The following ADAM10 variants were observed in gnomAD, a reference collection of about 807,000 sequenced individuals.
The protein encoded by ADAM10 is disintegrin and metalloproteinase domain-containing protein 10.
In ADAM10, 17 loss-of-function variants were observed where a neutral mutation model predicts 90.1. The ratio of observed to expected loss-of-function variants is 0.19; its 90% confidence interval spans 0.13 to 0.28. The LOEUF (loss-of-function observed/expected upper bound fraction) is 0.28, where lower values mean the gene tolerates loss of function less well. ADAM10 is among the 10% of genes least tolerant of loss of function. The probability of loss-of-function intolerance (pLI) is 1.00; values close to 1 mark genes in which losing one functional copy is unlikely to be tolerated. For missense variants in ADAM10, 610 were observed against 914.3 expected (o/e 0.67, Z 4.29); for synonymous variants, 310 against 298.6 (o/e 1.04, Z -0.40).
At chr15:58,644,444 G>A (rs750041560) in intron 6 of ADAM10, among the ~76,000 whole-genome samples, 36 of 151,998 alleles carry the variant, frequency 2.4e-4, no homozygotes, top group South Asian at 6.2e-4. Context: ...GGCCAGGCTC[G>A]TCTCGAACTC....
chr15:58,610,461 C>A lies in ADAM10; in HGVS notation c.1861G>T (p.Gly621Cys). 6.2e-7 allele frequency: 1 copy of A among 1,614,138 alleles called. No individual in the cohort carries two copies. The highest frequency in any genetic ancestry group is 8.5e-7 in the Non-Finnish European group (1 of 1,180,024). The change falls in exon 14 of 16, where the codon GGT (glycine) becomes TGT (cysteine). Residue 621 changes from glycine to cysteine, a missense_variant. Coordinates refer to ENST00000260408, the MANE Select transcript of ADAM10 (RefSeq NM_001110.4). The stretch of plus-strand genomic sequence containing the variant: ...CCAGGTTGCAGGGTGATGGTTCGAC[C>A]ACTGAAGTGCCTACTCCACTGCACA... ...GSVQWSRHFS[G>C]RTITLQPGSP...
chr15:58,637,938 TAAAAA>T (rs111492683), intron 8 of ADAM10, among the ~76,000 whole-genome samples: 1 of 148,362 alleles, frequency 6.7e-6, no homozygotes, highest in African/African-American at 2.5e-5. Flanking sequence ...TTCCTTGTTT[TAAAAA>T]AAAAAATGTC....
intron 1 of ADAM10, among the ~76,000 whole-genome samples, chr15:58,726,763 AGT>A (rs779873446): frequency 2.6e-4 from 40 of 151,160 alleles, no homozygotes; most frequent in Non-Finnish European, 5.6e-4. Context: ...TACTCAGGAG[AGT>A]GAGGTGGGAG....
At chr15:58,699,662 T>C (rs1049042024) in intron 2 of ADAM10, among the ~76,000 whole-genome samples, 25 of 151,804 alleles carry the variant, frequency 1.6e-4, no homozygotes, top group Non-Finnish European at 3.4e-4. Flanking sequence ...TAGTCCCAAC[T>C]ATGAAGGGCT....
At chr15:58,711,826 C>T (rs529967540) in intron 2 of ADAM10, among the ~76,000 whole-genome samples, 5 of 152,150 alleles carry the variant, frequency 3.3e-5, no homozygotes, top group Admixed American at 2.6e-4. Flanking sequence ...AACAGACAAT[C>T]GTTTTAAGTA....
Position 58,611,090 on chromosome 15 carries a change from G to A in ADAM10, c.1713C>T (p.Ile571=), listed in dbSNP as rs547185865. The change falls in exon 13 of 16, where the codon ATC becomes ATT. Residue 571 remains isoleucine, a synonymous_variant. Coordinates refer to ENST00000260408, the MANE Select transcript of ADAM10 (RefSeq NM_001110.4). The part of the protein sequence containing the change: ...VCINGQCAGS[I]CEKYGLEECT... ...ACTCCTCTAAGCCATATTTCTCACA[G>A]ATAGAACCTGCACATTGCTAGAAGA... 6 of 1,613,218 alleles carry A rather than the reference G, an allele frequency of 3.7e-6. No homozygotes were observed. The highest frequency in any genetic ancestry group is 5.1e-6 in the Non-Finnish European group (6 of 1,179,234).
chr15:58,709,200 C>T (rs192702594), intron 2 of ADAM10, among the ~76,000 whole-genome samples: 48 of 152,140 alleles, frequency 3.2e-4, no homozygotes, highest in African/African-American at 1.1e-3. Flanking sequence ...TTTAAGAAAA[C>T]GCCACAACAA....
rs1566982355 is a variant in ADAM10 at position 58,655,713 on chromosome 15, A to AC, written c.585+9383_585+9384insG. 3.7e-5 allele frequency among the ~76,000 whole-genome samples: 2 copies of AC among 54,056 alleles called. 1 individual carries two copies. Among genetic ancestry groups the AC allele is most frequent in the Admixed American group, 3.8e-4 (2 of 5,328 alleles). The allele number at this position is 54,056 out of a possible 152,430, so 35.5% of individuals were successfully genotyped here. A position where few individuals can be genotyped will look rare whatever the true frequency, so the allele number is the denominator to read the frequency against. On this transcript the variant is annotated intron_variant, in intron 5 of 15. Coordinates refer to ENST00000260408, the MANE Select transcript of ADAM10 (RefSeq NM_001110.4). ...TATATATAGTATATATATATATAGT[A>AC]TATATATATATATATATATATATAT...
chr15:58,668,192 C>T (rs1200966761), intron 4 of ADAM10, among the ~76,000 whole-genome samples: 1 of 152,124 alleles, frequency 6.6e-6, no homozygotes, highest in Non-Finnish European at 1.5e-5. Flanking sequence ...GTGTTTAAGG[C>T]AGAACCTTTG....
chr15:58,729,753 C>T (rs1899162084), intron 1 of ADAM10, among the ~76,000 whole-genome samples: 1 of 152,098 alleles, frequency 6.6e-6, no homozygotes, highest in South Asian at 2.1e-4. Context: ...CACTTGAGGT[C>T]AGGAGTTTGA....
At chr15:58,694,315 G>T (rs1220461298) in intron 2 of ADAM10, among the ~76,000 whole-genome samples, 3 of 152,164 alleles carry the variant, frequency 2.0e-5, no homozygotes, top group African/African-American at 7.2e-5. Context: ...GCCAGGTGTG[G>T]TGGCAGGTGC....
At chr15:58,616,820 A>T (rs1367828974) in intron 11 of ADAM10, among the ~76,000 whole-genome samples, 2 of 152,186 alleles carry the variant, frequency 1.3e-5, no homozygotes, top group Non-Finnish European at 2.9e-5. Flanking sequence ...AAAAATACAA[A>T]GAATCAGGCC....
In ADAM10 at chr15:58,679,017, A is replaced by G. The variant is rs190462138; in HGVS notation, c.484+107T>C. Reference sequence around the variant, plus strand: ...CTAGTAAAAACTATGTTCTAGCCTGATTAGTAACTCAGGAAAGAAAACAGC... The same window carrying G: ...CTAGTAAAAACTATGTTCTAGCCTGGTTAGTAACTCAGGAAAGAAAACAGC... On this transcript the variant is annotated intron_variant, in intron 4 of 15. Transcript: ENST00000260408. 338 of 1,129,740 alleles carry G rather than the reference A, an allele frequency of 3.0e-4. 1 individual carries two copies. Among genetic ancestry groups the G allele is most frequent in the Non-Finnish European group, 4.2e-4 (329 of 778,370 alleles). The allele number at this position is 1,129,740 out of a possible 1,614,324, so 70.0% of individuals were successfully genotyped here.
At chr15:58,615,289 A>C (rs994280083) in intron 11 of ADAM10, among the ~76,000 whole-genome samples, 8 of 151,848 alleles carry the variant, frequency 5.3e-5, no homozygotes, top group Admixed American at 2.0e-4. Flanking sequence ...AAAAAAAAAA[A>C]AAAAAAAACC....
At chr15:58,660,022 C>A (rs1181762123) in intron 5 of ADAM10, among the ~76,000 whole-genome samples, 3 of 152,190 alleles carry the variant, frequency 2.0e-5, no homozygotes, top group African/African-American at 7.2e-5. Context: ...GCCAATACGC[C>A]TGGCCGTTCT....
chr15:58,737,017 C>T (rs1308269085), intron 1 of ADAM10, among the ~76,000 whole-genome samples: 1 of 151,898 alleles, frequency 6.6e-6, no homozygotes, highest in African/African-American at 2.4e-5. Context: ...AGAAAAATGA[C>T]CAGCAGGTTC....
chr15:58,602,762 CTCTT>C (rs1469763265), intron 14 of ADAM10, among the ~76,000 whole-genome samples: 1 of 152,106 alleles, frequency 6.6e-6, no homozygotes, highest in Non-Finnish European at 1.5e-5. Flanking sequence ...CACCTTTCTT[CTCTT>C]TATTTTCATG....
chr15:58,694,834 T>C (rs1027085737), intron 2 of ADAM10, among the ~76,000 whole-genome samples: 4 of 151,946 alleles, frequency 2.6e-5, no homozygotes, highest in Non-Finnish European at 5.9e-5. Context: ...TATGTAATTC[T>C]GGAACAGTCA....
intron 5 of ADAM10, among the ~76,000 whole-genome samples, chr15:58,647,190 T>A (rs1896567275): frequency 6.6e-6 from 1 of 150,778 alleles, no homozygotes; most frequent in Middle Eastern, 3.2e-3. Flanking sequence ...CTCTGTTTGA[T>A]CCTCACTGTA....
Sources: allele counts gnomAD v4.1 joint callset (sites outside exome capture counted in the v4.1 genomes callset), GRCh38; gene constraint gnomAD v4.1.1; transcripts MANE v1.5; gene names NCBI Gene and HGNC (gene_info 2026-07-23, HGNC 2026-07-21).